WASHC4: variants seen among roughly 807,000 people sequenced by gnomAD.
WASHC4 encodes the protein WASH complex subunit 4.
WASHC4 carries 86 observed loss-of-function variants against 166.6 expected under a neutral mutation model. The ratio of observed to expected loss-of-function variants is 0.52; its 90% CI spans 0.43 to 0.62. WASHC4 has a LOEUF of 0.62. Ranked by LOEUF, WASHC4 falls within the 20% of genes least tolerant of loss-of-function variation. WASHC4 has a pLI of 0.00. For missense variants in WASHC4, 1,262 were observed against 1,382.4 expected (o/e 0.91, Z 1.38); for synonymous variants, 446 against 451.6 (o/e 0.99, Z 0.16).
At chr12:105,153,889 A>C (rs1186251352) in intron 26 of WASHC4, among the ~76,000 whole-genome samples, 1 of 152,148 alleles carries the variant, frequency 6.6e-6, no homozygotes, top group African/African-American at 2.4e-5. Context: ...TTTGCCCTAA[A>C]TACATAATCA....
At position 105,115,692 on chromosome 12, in the gene WASHC4, C is replaced by T. The variant is rs1880117187; in HGVS notation, c.399C>T (p.Cys133=). The T allele has an allele frequency of 1.2e-6, 2 of 1,609,484 alleles. No individual in the cohort carries two copies. Among genetic ancestry groups the T allele is most frequent in the Non-Finnish European group, 1.7e-6 (2 of 1,176,154 alleles). Reference sequence around the variant, plus strand: ...ATGCCAGCATGGTGGAAGGTGATTGCCAAATTCAAATGGGGAGATTTATTT... The same window carrying T: ...ATGCCAGCATGGTGGAAGGTGATTGTCAAATTCAAATGGGGAGATTTATTT... ...ATDASMVEGD[C]QIQMGRFISF... The change falls in exon 6 of 33, where the codon TGC becomes TGT. Residue 133 remains cysteine, a synonymous_variant. Coordinates refer to ENST00000332180, the MANE Select transcript of WASHC4 (RefSeq NM_015275.3).
intron 26 of WASHC4, chr12:105,156,362 T>A (rs930136596): frequency 6.4e-6 from 1 of 156,760 alleles, no homozygotes; most frequent in Non-Finnish European, 1.4e-5. Flanking sequence ...TTTCTTGATA[T>A]CACTTCCAAT....
intron 6 of WASHC4, 75 bp downstream of exon 6, chr12:105,115,803 T>G: frequency 2.2e-6 from 2 of 917,960 alleles, no homozygotes; most frequent in East Asian, 2.4e-5. Context: ...TAAAAAGTTC[T>G]GAAACCTTCA....
intron 13 of WASHC4, 135 bp downstream of exon 13, chr12:105,127,424 CAGG>C (rs149762042): frequency 0.016 from 11,277 of 715,932 alleles, 144 homozygotes; most frequent in Non-Finnish European, 0.023. Context: ...AGGCAATCTC[CAGG>C]AGATTTGTTT....
intron 2 of WASHC4, 86 bp from the exon 3 acceptor site, chr12:105,114,130 C>T (rs1592841160): frequency 1.1e-5 from 13 of 1,200,520 alleles, no homozygotes; most frequent in Admixed American, 1.9e-5. Context: ...AAGTTTAAGT[C>T]GAATAAAGCT....
chr12:105,109,653 T>TC (rs1331977156), intron 1 of WASHC4, among the ~76,000 whole-genome samples: 1 of 147,118 alleles, frequency 6.8e-6, no homozygotes, highest in Non-Finnish European at 1.5e-5. Flanking sequence ...CATTGTCTTT[T>TC]TTTTTTTTTT....
chr12:105,137,974 C>T lies in WASHC4; in HGVS notation c.1415C>T (p.Ser472Leu). 2 of 1,613,144 alleles carry T rather than the reference C, an allele frequency of 1.2e-6. No homozygotes were observed. Among genetic ancestry groups the T allele is most frequent in the Non-Finnish European group, 8.5e-7 (1 of 1,179,360 alleles). ...MSMQKPMTKT[S>L]VKALCRLVEL... ...ATGCAAAAGCCAATGACCAAAACCT[C>T]AGTTAAGGCATTGTGCAGGCTTGTT... Residue 472 changes from serine to leucine, a missense_variant, in exon 15 of 33, where the codon TCA becomes TTA. Ser to Leu is a moderately radical substitution (Grantham distance 145). Transcript: ENST00000332180.
chr12:105,168,478 A>C lies in WASHC4; in HGVS notation c.*1547A>C, dbSNP rs901624995. 1 of 152,406 alleles carries C rather than the reference A, an allele frequency of 6.6e-6. No individual in the cohort carries two copies. The highest frequency in any genetic ancestry group is 1.5e-5 in the Non-Finnish European group (1 of 67,890). 9.4% of individuals were successfully genotyped at this position (152,406 alleles called of 1,614,324 possible). On this transcript the variant is annotated 3_prime_UTR_variant, in exon 33 of 33. Transcript: ENST00000332180. ...AATGATCTTGCATTTGATTATATCA[A>C]ATTCGTCATTTCATAGCAACAGTAT...
chr12:105,152,195 G>T, intron 25 of WASHC4, 148 bp from the exon 26 acceptor site: 1 of 606,034 alleles, frequency 1.7e-6, no homozygotes, highest in Non-Finnish European at 3.0e-6. Flanking sequence ...CTTGAACATT[G>T]GTAGTGTATG....
intron 24 of WASHC4, chr12:105,149,343 C>T: frequency 1.9e-6 from 2 of 1,043,426 alleles, no homozygotes; most frequent in Non-Finnish European, 2.3e-6. Flanking sequence ...CACTACAGCC[C>T]TTAGTCCTAT....
intron 29 of WASHC4, among the ~76,000 whole-genome samples, chr12:105,160,902 T>TA (rs1482849339): frequency 6.6e-6 from 1 of 152,224 alleles, no homozygotes; most frequent in East Asian, 1.9e-4. Flanking sequence ...TAATGCTTCT[T>TA]AGAGTATGTA....
Position 105,163,589 on chromosome 12 carries a change from C to T in WASHC4, c.3158-522C>T, listed in dbSNP as rs143840584. 6.5e-3 allele frequency among the ~76,000 whole-genome samples: 982 copies of T among 152,138 alleles called. 15 individuals are homozygous for T. The highest frequency in any genetic ancestry group is 0.022 in the African/African-American group (921 of 41,518). On this transcript the variant is annotated intron_variant, in intron 30 of 32. Transcript: ENST00000332180. The stretch of plus-strand genomic sequence containing the variant: ...CAGTCATGGTTCACTGCAGCCTCGA[C>T]CTCCTGGACCCAAGCGATCCTCCCA...
At chr12:105,161,096 A>G (rs1884468472) in intron 29 of WASHC4, among the ~76,000 whole-genome samples, 1 of 152,182 alleles carries the variant, frequency 6.6e-6, no homozygotes, top group African/African-American at 2.4e-5. Context: ...TTGTAAGTAG[A>G]TAGCTTTAAA....
At chr12:105,128,284 A>G (rs1345510099) in intron 13 of WASHC4, among the ~76,000 whole-genome samples, 1 of 152,248 alleles carries the variant, frequency 6.6e-6, no homozygotes, top group Non-Finnish European at 1.5e-5. Context: ...ATCCTAAATC[A>G]GGGTTGAAGA....
chr12:105,151,145 CAAAAAAAAA>C (rs34655671), intron 25 of WASHC4, among the ~76,000 whole-genome samples: 3 of 61,016 alleles, frequency 4.9e-5, no homozygotes, highest in African/African-American at 2.0e-4. Context: ...GACTCTGTCT[CAAAAAAAAA>C]AAAAAAAAAA....
chr12:105,133,999 TAA>T, intron 14 of WASHC4, 103 bp downstream of exon 14: 1 of 1,096,632 alleles, frequency 9.1e-7, no homozygotes, highest in Non-Finnish European at 1.3e-6. Flanking sequence ...TTTTGTTTAT[TAA>T]AGCAAGTTGA....
At chr12:105,158,067 A>T (rs989510166) in intron 28 of WASHC4, among the ~76,000 whole-genome samples, 1 of 152,108 alleles carries the variant, frequency 6.6e-6, no homozygotes, top group Non-Finnish European at 1.5e-5. Context: ...TCTGTTGAAT[A>T]AAAAAAATCA....
intron 26 of WASHC4, 192 bp from the exon 27 acceptor site, chr12:105,156,532 ATG>A: frequency 2.5e-6 from 1 of 402,096 alleles, no homozygotes. Flanking sequence ...ATATATAAGT[ATG>A]TATGTTTATA....
chr12:105,152,863 C>A (rs886583604), intron 26 of WASHC4, among the ~76,000 whole-genome samples: 1 of 152,082 alleles, frequency 6.6e-6, no homozygotes, highest in Non-Finnish European at 1.5e-5. Flanking sequence ...TATGTTACAC[C>A]ATTTTACTTG....
Sources: allele counts gnomAD v4.1 joint callset (sites outside exome capture counted in the v4.1 genomes callset), GRCh38; gene constraint gnomAD v4.1.1; transcripts MANE v1.5; gene names NCBI Gene and HGNC (gene_info 2026-07-23, HGNC 2026-07-21).